CCDC13: variants seen among roughly 807,000 people sequenced by gnomAD.
CCDC13 encodes coiled-coil domain-containing protein 13.
CCDC13 carries 70 observed loss-of-function variants against 87.3 expected under a neutral mutation model. The observed-to-expected ratio is 0.80, with a 90% CI of 0.66 to 0.98. The LOEUF (loss-of-function observed/expected upper bound fraction) is 0.98. CCDC13 is among the 50% of genes least tolerant of loss of function. The pLI is 0.00. For missense variants in CCDC13, 842 were observed against 892.0 expected (o/e 0.94, Z 0.71); for synonymous variants, 317 against 360.3 (o/e 0.88, Z 1.36).
intron 11 of CCDC13, among the ~76,000 whole-genome samples, 199 bp downstream of exon 11, chr3:42,733,271 T>G (rs1325801758): frequency 6.6e-6 from 1 of 152,196 alleles, no homozygotes; most frequent in Admixed American, 6.5e-5. Flanking sequence ...GCTCTTGAAG[T>G]GATAAAATCT....
At chr3:42,728,396 C>A (rs1045172762) in intron 13 of CCDC13, among the ~76,000 whole-genome samples, 2 of 152,048 alleles carry the variant, frequency 1.3e-5, no homozygotes, top group African/African-American at 4.8e-5. Flanking sequence ...GACTCCCCCC[C>A]ACCCTCCCCT....
chr3:42,755,726 G>A (rs534486095), intron 3 of CCDC13, among the ~76,000 whole-genome samples: 2 of 152,232 alleles, frequency 1.3e-5, no homozygotes, highest in Admixed American at 6.5e-5. Flanking sequence ...TTTCAGGGAC[G>A]CTTAGGGCTG....
intron 3 of CCDC13, among the ~76,000 whole-genome samples, chr3:42,753,097 C>T (rs77380541): frequency 0.018 from 2,791 of 152,326 alleles, 73 homozygotes; most frequent in African/African-American, 0.063. Flanking sequence ...CCTTCTATGA[C>T]TCTGGGCTCA....
chr3:42,719,068 C>T (rs912698194), intron 13 of CCDC13: 4 of 152,192 alleles, frequency 2.6e-5, no homozygotes, highest in East Asian at 1.9e-4. Context: ...AAGTTCCTCT[C>T]GGTAAAGTCC....
chr3:42,743,740 G>C (rs779500265), intron 7 of CCDC13, among the ~76,000 whole-genome samples: 4 of 151,320 alleles, frequency 2.6e-5, no homozygotes, highest in African/African-American at 9.8e-5. Context: ...TCCTGGGCTC[G>C]AGAGATCTGC....
chr3:42,743,658 A>AAT lies in CCDC13; in HGVS notation c.826-603_826-602dup, dbSNP rs539369504. On this transcript the variant is annotated intron_variant, in intron 7 of 15. Coordinates refer to ENST00000310232, the MANE Select transcript of CCDC13 (RefSeq NM_144719.4). Reference sequence around the variant, plus strand: ...ACACACACATAAATATATAAATATAAATATATATATATATAAAATTTGGTA... The same window carrying AAT: ...ACACACACATAAATATATAAATATAAATATATATATATATATAAAATTTGGTA... Among the ~76,000 whole-genome samples, 840 of 140,378 alleles carry AAT rather than the reference A, an allele frequency of 6.0e-3. 9 individuals carry two copies. Among genetic ancestry groups the AAT allele is most frequent in the African/African-American group, 0.019 (693 of 36,106 alleles). The allele number at this position is 140,378 out of a possible 152,430, so 92.1% of individuals were successfully genotyped here.
intron 13 of CCDC13, among the ~76,000 whole-genome samples, 168 bp downstream of exon 13, chr3:42,730,299 C>T (rs13085272): frequency 0.18 from 27,089 of 151,912 alleles, 2,489 homozygotes; most frequent in South Asian, 0.28. Flanking sequence ...CACAGTGTGA[C>T]GACAAGGCCC....
At chr3:42,772,180 G>A (rs1292368798) in intron 1 of CCDC13, among the ~76,000 whole-genome samples, 1 of 148,114 alleles carries the variant, frequency 6.8e-6, no homozygotes, top group Non-Finnish European at 1.5e-5. Context: ...CAAGGCAGGA[G>A]AATCGCTTGA....
chr3:42,750,555 C>T (rs1449730355), intron 5 of CCDC13, among the ~76,000 whole-genome samples: 1 of 152,224 alleles, frequency 6.6e-6, no homozygotes, highest in Admixed American at 6.5e-5. Context: ...GCAACCTCTG[C>T]CTCCCAGGTT....
chr3:42,712,287 T>G (rs1575267139), intron 14 of CCDC13, among the ~76,000 whole-genome samples: 2 of 150,430 alleles, frequency 1.3e-5, no homozygotes, highest in Non-Finnish European at 3.0e-5. Context: ...CTGGGATGGG[T>G]GGGATGGGAG....
intron 13 of CCDC13, 76 bp from the exon 14 acceptor site, chr3:42,713,392 T>TA: frequency 6.8e-7 from 1 of 1,466,352 alleles, no homozygotes; most frequent in Non-Finnish European, 9.3e-7. Flanking sequence ...CTCAGGCCCT[T>TA]AGAGAGATGG....
chr3:42,712,397 C>T (rs1198904393), intron 14 of CCDC13, among the ~76,000 whole-genome samples: 3 of 152,040 alleles, frequency 2.0e-5, no homozygotes, highest in South Asian at 2.1e-4. Context: ...TCCTCCAGCT[C>T]GCCCCAGCCC....
At chr3:42,743,600 T>TATATATACATAC in intron 7 of CCDC13, among the ~76,000 whole-genome samples, 29,214 of 125,612 alleles carry the variant, frequency 0.23, 3,936 homozygotes, top group Non-Finnish European at 0.29. Flanking sequence ...TATATATATA[T>TATATATACATAC]ACACACACAC....
At chr3:42,727,936 T>G (rs1198317674) in intron 13 of CCDC13, among the ~76,000 whole-genome samples, 1 of 152,152 alleles carries the variant, frequency 6.6e-6, no homozygotes, top group Non-Finnish European at 1.5e-5. Flanking sequence ...TTAAAGTGAT[T>G]AAATATTACC....
In CCDC13 at chr3:42,722,827, C is replaced by T. The variant is rs560900429; in HGVS notation, c.1718+7640G>A. Among the ~76,000 whole-genome samples the T allele has an allele frequency of 1.2e-4, 16 of 135,474 alleles. No homozygotes were observed. In the East Asian group the frequency reaches 2.8e-3, roughly 24 times the overall value. The allele number at this position is 135,474 out of a possible 152,430, so 88.9% of individuals were successfully genotyped here. On this transcript the variant is annotated intron_variant, in intron 13 of 15. Transcript: ENST00000310232. ...TTTTTTTTTTTTTGGAGACGAGTCTCGCTCAGTCACCCAGGCTGGAGTGCA... is the reference window on the plus strand; with the variant it reads ...TTTTTTTTTTTTTGGAGACGAGTCTTGCTCAGTCACCCAGGCTGGAGTGCA...
chr3:42,742,858 T>C (rs187272325), intron 8 of CCDC13, 38 bp downstream of exon 8: 3 of 1,610,576 alleles, frequency 1.9e-6, no homozygotes, highest in African/African-American at 1.3e-5. Context: ...GATCTCTCGT[T>C]CCCACATGCC....
At chr3:42,751,875 G>A in intron 5 of CCDC13, 61 bp downstream of exon 5, 1 of 1,465,444 alleles carries the variant, frequency 6.8e-7, no homozygotes, top group South Asian at 1.1e-5. Flanking sequence ...ACCTGTGGAG[G>A]AGGGGAGGCC....
At chr3:42,715,476 G>GCT (rs1358581507) in intron 13 of CCDC13, among the ~76,000 whole-genome samples, 3 of 152,064 alleles carry the variant, frequency 2.0e-5, no homozygotes, top group African/African-American at 7.2e-5. Flanking sequence ...GCCTGGCACG[G>GCT]TGGCGTGTGC....
chr3:42,728,354 G>C (rs940094997), intron 13 of CCDC13, among the ~76,000 whole-genome samples: 4 of 152,166 alleles, frequency 2.6e-5, no homozygotes, highest in Non-Finnish European at 5.9e-5. Flanking sequence ...TTGTAGGGCA[G>C]AGTAGAGGAG....
Sources: gnomAD v4.1 joint callset for allele counts (sites outside exome capture counted in the v4.1 genomes callset) on GRCh38, gnomAD v4.1.1 for gene constraint, MANE v1.5 for transcripts, NCBI Gene and HGNC (gene_info 2026-07-23, HGNC 2026-07-21) for gene names.